TBCK: variants seen among roughly 807,000 people sequenced by gnomAD.
TBCK encodes the protein TBC1 domain containing kinase.
A neutral mutation model predicts 113.4 loss-of-function variants in TBCK; 99 were observed. The ratio of observed to expected loss-of-function variants is 0.87; its 90% CI spans 0.74 to 1.03. The LOEUF (loss-of-function observed/expected upper bound fraction) is 1.03. TBCK is among the 50% of genes least tolerant of loss of function. TBCK has a pLI of 0.00. For synonymous variants in TBCK, 369 were observed against 370.8 expected (o/e 1.00, Z 0.05); for missense variants, 1,045 against 1,061.3 (o/e 0.98, Z 0.21).
chr4:106,278,129 T>C (rs974215638), intron 3 of TBCK, among the ~76,000 whole-genome samples: 2 of 152,146 alleles, frequency 1.3e-5, no homozygotes, highest in Non-Finnish European at 2.9e-5. Flanking sequence ...AATAAGGTAA[T>C]ATGAAGGCAT....
At chr4:106,084,821 T>C (rs1206615442) in intron 25 of TBCK, among the ~76,000 whole-genome samples, 2 of 152,208 alleles carry the variant, frequency 1.3e-5, no homozygotes, top group Non-Finnish European at 2.9e-5. Flanking sequence ...CAGAATCTCA[T>C]ATCCAGCCAA....
chr4:106,294,137 T>C (rs1276821122), intron 3 of TBCK, among the ~76,000 whole-genome samples: 1 of 152,166 alleles, frequency 6.6e-6, no homozygotes, highest in Non-Finnish European at 1.5e-5. Context: ...GTTCACTGTG[T>C]CCCTAGGAAT....
intron 2 of TBCK, among the ~76,000 whole-genome samples, chr4:106,303,949 T>C (rs1412913059): frequency 1.3e-5 from 2 of 152,120 alleles, no homozygotes; most frequent in African/African-American, 4.8e-5. Flanking sequence ...AGCATTGCCA[T>C]TTTTTATATG....
chr4:106,065,321 C>A (rs1420774825), intron 25 of TBCK, among the ~76,000 whole-genome samples: 1 of 151,968 alleles, frequency 6.6e-6, no homozygotes, highest in Non-Finnish European at 1.5e-5. Flanking sequence ...CTGTATATAT[C>A]CTGCTGGCAT....
At chr4:106,250,386 A>G in intron 7 of TBCK, 32 bp downstream of exon 7, 4 of 1,395,728 alleles carry the variant, frequency 2.9e-6, no homozygotes, top group Non-Finnish European at 4.0e-6. Context: ...TTATATTTAT[A>G]TTTGAAAGAT....
At chr4:106,108,358 A>G (rs4323181) in intron 24 of TBCK, among the ~76,000 whole-genome samples, 30,114 of 152,180 alleles carry the variant, frequency 0.2, 3,383 homozygotes, top group South Asian at 0.27. Context: ...AAAATCCTCA[A>G]TGAAATACTT....
At chr4:106,171,637 C>T (rs1387419228) in intron 22 of TBCK, among the ~76,000 whole-genome samples, 1 of 151,224 alleles carries the variant, frequency 6.6e-6, no homozygotes, top group Non-Finnish European at 1.5e-5. Context: ...CTGATGTTTC[C>T]ACTTTTCCAA....
intron 23 of TBCK, among the ~76,000 whole-genome samples, chr4:106,131,242 A>G (rs116513184): frequency 0.064 from 9,724 of 152,318 alleles, 366 homozygotes; most frequent in Non-Finnish European, 0.082. Context: ...GCCATGTGGA[A>G]CTGTCAGTCA....
At chr4:106,118,251 A>AT (rs759369535) in intron 23 of TBCK, among the ~76,000 whole-genome samples, 53 of 152,160 alleles carry the variant, frequency 3.5e-4, no homozygotes, top group Non-Finnish European at 5.4e-4. Context: ...AGATAGATTT[A>AT]TTTAAAAAAA....
chr4:106,274,080 G>A (rs1277731681), intron 3 of TBCK, among the ~76,000 whole-genome samples: 3 of 152,134 alleles, frequency 2.0e-5, no homozygotes, highest in Non-Finnish European at 4.4e-5. Context: ...GAAGCTCTGG[G>A]CCAGGAACTT....
Position 106,153,940 on chromosome 4 carries a change from CAT to C in TBCK, c.2235+17153_2235+17154del, listed in dbSNP as rs199869107. ...TTTCCATCCCCTTATTTTTAGTCAA[CAT>C]GTGTCTTTATAGGTGAAGTGTGTTT... On this transcript the variant is annotated intron_variant, in intron 23 of 25. Transcript: ENST00000394708. 2.0e-5 allele frequency among the ~76,000 whole-genome samples: 3 copies of C among 151,962 alleles called. No individual in the cohort carries two copies. In the East Asian group the frequency reaches 5.8e-4, roughly 29 times the overall value.
chr4:106,267,100 A>G (rs1763060909), intron 3 of TBCK, among the ~76,000 whole-genome samples: 1 of 151,974 alleles, frequency 6.6e-6, no homozygotes, highest in African/African-American at 2.4e-5. Flanking sequence ...TCAGTAACCA[A>G]GAAAATGTAA....
At chr4:106,097,197 C>T (rs566919017) in intron 24 of TBCK, among the ~76,000 whole-genome samples, 7 of 152,202 alleles carry the variant, frequency 4.6e-5, no homozygotes, top group African/African-American at 9.6e-5. Flanking sequence ...CAAAATATGA[C>T]GGCAACAGAG....
intron 23 of TBCK, among the ~76,000 whole-genome samples, chr4:106,169,344 G>A (rs190667612): frequency 6.6e-6 from 1 of 152,114 alleles, no homozygotes; most frequent in Non-Finnish European, 1.5e-5. Context: ...CAAAAGAACA[G>A]ACAAACATCA....
chr4:106,128,526 T>C (rs1385727901), intron 23 of TBCK, among the ~76,000 whole-genome samples: 1 of 152,014 alleles, frequency 6.6e-6, no homozygotes, highest in Non-Finnish European at 1.5e-5. Flanking sequence ...AGGCAGAAAA[T>C]ATAATAGACA....
In TBCK at chr4:106,242,837, A is replaced by G. The variant is rs373115405; in HGVS notation, c.1071-268T>C. On this transcript the variant is annotated intron_variant, in intron 11 of 25. Transcript: ENST00000394708. Reference sequence around the variant, plus strand: ...ATTAACTCGTCATTTAGCATTAGGTATATCTCCTAAAGCTATCCCTCCCCC... The same window carrying G: ...ATTAACTCGTCATTTAGCATTAGGTGTATCTCCTAAAGCTATCCCTCCCCC... 2.3e-4 allele frequency among the ~76,000 whole-genome samples: 35 copies of G among 148,960 alleles called. No individual in the cohort carries two copies. In the South Asian group the frequency reaches 7.5e-3, roughly 32 times the overall value.
intron 1 of TBCK, among the ~76,000 whole-genome samples, chr4:106,315,138 G>GA (rs869295707): frequency 1.3e-5 from 2 of 151,546 alleles, no homozygotes; most frequent in East Asian, 1.9e-4. Context: ...ACTACCGGGG[G>GA]AAAAAAAACG....
intron 25 of TBCK, among the ~76,000 whole-genome samples, chr4:106,084,045 CGCAGTGTCTCTCCAAGGT>C (rs1223105846): frequency 4.6e-5 from 7 of 152,134 alleles, no homozygotes. Context: ...TCCAAATGAT[CGCAGTGTCTCTCCAAGGT>C]GCAGAACTGG....
chr4:106,194,668 T>C, intron 21 of TBCK, 50 bp downstream of exon 21: 1 of 1,454,912 alleles, frequency 6.9e-7, no homozygotes, highest in Non-Finnish European at 9.5e-7. Context: ...GGCATCGGGC[T>C]GTCCTTTTGC....
Sources: allele counts gnomAD v4.1 joint callset (sites outside exome capture counted in the v4.1 genomes callset), GRCh38; gene constraint gnomAD v4.1.1; transcripts MANE v1.5; gene names NCBI Gene and HGNC (gene_info 2026-07-23, HGNC 2026-07-21).